ABI1: variants seen among roughly 807,000 people sequenced by gnomAD.
ABI1 encodes the protein Abelson interactor 1.
A neutral mutation model predicts 54.6 loss-of-function variants in ABI1; 14 were observed. The ratio of observed to expected loss-of-function variants is 0.26; its 90% CI spans 0.17 to 0.40. ABI1 has a LOEUF of 0.40. ABI1 is among the 10% of genes least tolerant of loss of function. The pLI is 1.00. For synonymous variants in ABI1, 194 were observed against 209.3 expected (o/e 0.93, Z 0.63); for missense variants, 443 against 598.3 (o/e 0.74, Z 2.71).
chr10:26,823,006 C>G, intron 2 of ABI1, 132 bp downstream of exon 2: 1 of 791,110 alleles, frequency 1.3e-6, no homozygotes, highest in Admixed American at 3.4e-5. Flanking sequence ...AGCAGGTTTA[C>G]CAAACTAAAA....
intron 1 of ABI1, among the ~76,000 whole-genome samples, chr10:26,851,348 A>ATTTTTT (rs397724445): frequency 0.072 from 4,852 of 67,786 alleles, 749 homozygotes; most frequent in African/African-American, 0.15. Context: ...GACTAAGCTA[A>ATTTTTT]TTTTTTTTTT....
At chr10:26,852,454 G>A (rs1445586455) in intron 1 of ABI1, among the ~76,000 whole-genome samples, 3 of 152,078 alleles carry the variant, frequency 2.0e-5, no homozygotes, top group African/African-American at 7.2e-5. Flanking sequence ...ACTCTAGCCT[G>A]GGCAACAAGA....
At chr10:26,762,491 T>G (rs1269043936) in intron 7 of ABI1, among the ~76,000 whole-genome samples, 2 of 152,184 alleles carry the variant, frequency 1.3e-5, no homozygotes, top group Non-Finnish European at 2.9e-5. Context: ...GTTTTCACAC[T>G]TTTTGGTCTT....
chr10:26,766,712 CCAACAAGGGGTTGG>C (rs1839996019), intron 6 of ABI1, among the ~76,000 whole-genome samples: 1 of 152,024 alleles, frequency 6.6e-6, no homozygotes, highest in Admixed American at 6.5e-5. Context: ...TGTCTTTTTT[CCAACAAGGGGTTGG>C]CAAATTATGG....
rs186520579 is a variant in ABI1 at position 26,842,936 on chromosome 10, C to T, written c.117+17811G>A. Among the ~76,000 whole-genome samples, 311 of 152,070 alleles carry T rather than the reference C, an allele frequency of 2.0e-3. 1 individual carries two copies. In the South Asian group the frequency reaches 0.021, roughly 10 times the overall value. ...GTGTGCACCTATAGTCCCAGCTACTCGGGAAGCTGAGGCAGGAGAACTGCT... is the reference window on the plus strand; with the variant it reads ...GTGTGCACCTATAGTCCCAGCTACTTGGGAAGCTGAGGCAGGAGAACTGCT... On this transcript the variant is annotated intron_variant, in intron 1 of 10. Transcript: ENST00000376140.
chr10:26,791,965 T>C (rs1843524508), intron 2 of ABI1, among the ~76,000 whole-genome samples: 1 of 152,106 alleles, frequency 6.6e-6, no homozygotes, highest in South Asian at 2.1e-4. Context: ...TACGGATAAA[T>C]CTTAGAAATT....
intron 1 of ABI1, among the ~76,000 whole-genome samples, chr10:26,841,548 T>C (rs903511074): frequency 1.3e-5 from 2 of 152,142 alleles, no homozygotes; most frequent in Admixed American, 6.6e-5. Flanking sequence ...TCTTTCATCC[T>C]ACATACTTGC....
chr10:26,859,930 T>C (rs947390595), intron 1 of ABI1, among the ~76,000 whole-genome samples: 3 of 152,000 alleles, frequency 2.0e-5, no homozygotes, highest in East Asian at 1.9e-4. Context: ...TAATTAATGA[T>C]AGCAGCCCTA....
intron 1 of ABI1, among the ~76,000 whole-genome samples, chr10:26,856,139 A>G (rs545957443): frequency 6.6e-6 from 1 of 151,492 alleles, no homozygotes; most frequent in Non-Finnish European, 1.5e-5. Flanking sequence ...TGCAAAAATT[A>G]GCTGGGTGCA....
At chr10:26,761,617 CATATATATAT>C (rs1164854399) in intron 7 of ABI1, among the ~76,000 whole-genome samples, 1,026 of 49,826 alleles carry the variant, frequency 0.021, 24 homozygotes, top group Admixed American at 0.037. Context: ...TAGTTTTTGT[CATATATATAT>C]ATATATATAT....
At chr10:26,779,553 G>C (rs2132950133) in intron 2 of ABI1, among the ~76,000 whole-genome samples, 1 of 152,302 alleles carries the variant, frequency 6.6e-6, no homozygotes, top group South Asian at 2.1e-4. Context: ...CACTGAGTTT[G>C]AAAGTAAGAA....
In ABI1 at chr10:26,860,517, T is replaced by G. The variant is rs7910986; in HGVS notation, c.117+230A>C. On this transcript the variant is annotated intron_variant, in intron 1 of 10. Coordinates refer to ENST00000376140, the MANE Select transcript of ABI1 (RefSeq NM_001012750.3). The surrounding 1 kb of genome is among the most constrained non-coding windows in gnomAD (Gnocchi z 4.1). ...CCGGCTCCCTCGCCCATTTTCTCTCTCCCCTTCTATCGGTTTCCACCACCA... is the reference window on the plus strand; with the variant it reads ...CCGGCTCCCTCGCCCATTTTCTCTCGCCCCTTCTATCGGTTTCCACCACCA... 0.088 allele frequency among the ~76,000 whole-genome samples: 13,454 copies of G among 152,130 alleles called. 629 individuals are homozygous for G. The highest frequency in any genetic ancestry group is 0.17 in the East Asian group (885 of 5,152).
At chr10:26,770,116 T>C (rs1476528695) in intron 5 of ABI1, 129 bp downstream of exon 5, 1 of 675,794 alleles carries the variant, frequency 1.5e-6, no homozygotes, top group Non-Finnish European at 2.6e-6. Context: ...GGAATTAAAA[T>C]GAATTTGTAA....
intron 1 of ABI1, among the ~76,000 whole-genome samples, chr10:26,853,312 T>TAA (rs370875442): frequency 0.14 from 20,295 of 142,936 alleles, 1,809 homozygotes; most frequent in African/African-American, 0.25. Context: ...TTTTTTTTTT[T>TAA]AAAAAAAATC....
At chr10:26,860,956 ACCGCCTACCCGCCCTC>A in exon 1 of ABI1, 1 of 1,122,662 alleles carries the variant, frequency 8.9e-7, no homozygotes, top group Non-Finnish European at 1.3e-6. The surrounding 1 kb of genome is among the most constrained non-coding windows in gnomAD (Gnocchi z 4.1). Context: ...CCGGATACAA[ACCGCCTACCCGCCCTC>A]CCGCCTGGTA....
intron 2 of ABI1, among the ~76,000 whole-genome samples, chr10:26,808,255 A>T (rs1055108144): frequency 6.6e-6 from 1 of 152,268 alleles, no homozygotes; most frequent in Non-Finnish European, 1.5e-5. Context: ...GACTCATTTG[A>T]TAGGAACTAT....
At chr10:26,841,495 C>T (rs1233142115) in intron 1 of ABI1, among the ~76,000 whole-genome samples, 2 of 150,190 alleles carry the variant, frequency 1.3e-5, no homozygotes, top group East Asian at 3.9e-4. Flanking sequence ...TTATTAGCTA[C>T]AGTCCTCTTA....
chr10:26,828,798 A>G (rs2048472472), intron 1 of ABI1, among the ~76,000 whole-genome samples: 1 of 152,204 alleles, frequency 6.6e-6, no homozygotes, highest in South Asian at 2.1e-4. Context: ...CGATACTGTT[A>G]TTTGCATAGG....
chr10:26,781,680 T>C (rs1842128821), intron 2 of ABI1, among the ~76,000 whole-genome samples: 1 of 152,196 alleles, frequency 6.6e-6, no homozygotes, highest in African/African-American at 2.4e-5. Flanking sequence ...GCCTAGGTAT[T>C]TAGTCAGCCA....
Sources: gnomAD v4.1 joint callset for allele counts (sites outside exome capture counted in the v4.1 genomes callset) on GRCh38, gnomAD v4.1.1 for gene constraint, Gnocchi (gnomAD v3.1) non-coding constraint, MANE v1.5 for transcripts, NCBI Gene and HGNC (gene_info 2026-07-23, HGNC 2026-07-21) for gene names.